The following CNTNAP2 variants were observed in gnomAD, a reference collection of about 807,000 sequenced individuals.
CNTNAP2 encodes contactin associated protein 2, also known as contactin-associated protein-like 2.
Under a neutral mutation model 155.2 loss-of-function variants are expected in CNTNAP2, and 98 were observed. The ratio of observed to expected loss-of-function variants is 0.63; its 90% CI spans 0.54 to 0.75. CNTNAP2 has a LOEUF of 0.75. CNTNAP2 is among the 30% of genes least tolerant of loss of function. The pLI is 0.00. For missense variants in CNTNAP2, 1,727 were observed against 1,688.1 expected (o/e 1.02, Z -0.40); for synonymous variants, 651 against 631.2 (o/e 1.03, Z -0.47).
At chr7:147,443,007 C>A (rs1462263849) in intron 10 of CNTNAP2, among the ~76,000 whole-genome samples, 1 of 152,090 alleles carries the variant, frequency 6.6e-6, no homozygotes, top group Non-Finnish European at 1.5e-5. Flanking sequence ...CTTTAGCCAC[C>A]CTGGATAGCA....
intron 10 of CNTNAP2, among the ~76,000 whole-genome samples, chr7:147,441,111 T>G (rs1230283639): frequency 6.6e-6 from 1 of 152,160 alleles, no homozygotes; most frequent in Non-Finnish European, 1.5e-5. Flanking sequence ...GATTTGCCCT[T>G]TTGAGGCTAC....
chr7:147,383,224 A>G (rs562139334), intron 9 of CNTNAP2, among the ~76,000 whole-genome samples: 10 of 152,232 alleles, frequency 6.6e-5, no homozygotes, highest in African/African-American at 2.4e-4. Flanking sequence ...TACTCAATAC[A>G]TTTTTCTTCA....
At chr7:147,796,565 G>C (rs759584436) in intron 13 of CNTNAP2, among the ~76,000 whole-genome samples, 23 of 146,664 alleles carry the variant, frequency 1.6e-4, no homozygotes, top group Non-Finnish European at 3.1e-4. Context: ...ATAGCAGGAA[G>C]CTGGTCCAGG....
chr7:146,951,236 C>T (rs541289183), intron 3 of CNTNAP2, among the ~76,000 whole-genome samples: 15 of 152,232 alleles, frequency 9.9e-5, no homozygotes, highest in South Asian at 6.2e-4. Flanking sequence ...TTCTCCCATT[C>T]TACAGGTTGC....
At chr7:146,396,149 G>A (rs747577965) in intron 1 of CNTNAP2, among the ~76,000 whole-genome samples, 1 of 151,930 alleles carries the variant, frequency 6.6e-6, no homozygotes, top group African/African-American at 2.4e-5. Flanking sequence ...TATTTCTACT[G>A]CTCAGTTTTC....
intron 6 of CNTNAP2, among the ~76,000 whole-genome samples, chr7:147,124,930 G>A (rs1350231698): frequency 2.1e-5 from 3 of 140,842 alleles, no homozygotes; most frequent in Non-Finnish European, 4.5e-5. Flanking sequence ...CACTAGGCTG[G>A]AGTGCAGTGG....
At chr7:147,199,902 T>G (rs1295878758) in intron 8 of CNTNAP2, among the ~76,000 whole-genome samples, 1 of 152,154 alleles carries the variant, frequency 6.6e-6, no homozygotes, top group Non-Finnish European at 1.5e-5. Context: ...TGTCTTATTT[T>G]TAATTTGAAG....
At position 147,659,500 on chromosome 7, in the gene CNTNAP2, G is replaced by A. The variant is rs570761536; in HGVS notation, c.2098+20194G>A. Among the ~76,000 whole-genome samples, 4 of 152,278 alleles carry A rather than the reference G, an allele frequency of 2.6e-5. No homozygotes were observed. The South Asian group carries it at 6.2e-4, about 24-fold the overall frequency. ...CAACATAGAGGAAACCACTGGGGTG[G>A]ATAAACCTTATTATCTATCTGTGCA... On this transcript the variant is annotated intron_variant, in intron 13 of 23. Transcript: ENST00000361727.
At chr7:147,495,040 G>C (rs1356958054) in intron 11 of CNTNAP2, among the ~76,000 whole-genome samples, 2 of 152,124 alleles carry the variant, frequency 1.3e-5, no homozygotes, top group Non-Finnish European at 2.9e-5. Flanking sequence ...GCATAGACGA[G>C]AGCCATTTTC....
At chr7:147,877,673 G>T (rs547304804) in intron 13 of CNTNAP2, among the ~76,000 whole-genome samples, 3 of 151,980 alleles carry the variant, frequency 2.0e-5, no homozygotes, top group African/African-American at 7.3e-5. Context: ...ACCTGACAAA[G>T]GCTTTCATTT....
chr7:146,485,421 A>T (rs2129129819), intron 1 of CNTNAP2, among the ~76,000 whole-genome samples: 1 of 152,298 alleles, frequency 6.6e-6, no homozygotes, highest in Non-Finnish European at 1.5e-5. Context: ...TTGAGAGATG[A>T]GGAAAGTCAG....
chr7:147,768,806 C>T (rs1797422174), intron 13 of CNTNAP2, among the ~76,000 whole-genome samples: 1 of 151,970 alleles, frequency 6.6e-6, no homozygotes, highest in South Asian at 2.1e-4. Context: ...TCAGTATGAG[C>T]TACAAAAAAT....
intron 12 of CNTNAP2, among the ~76,000 whole-genome samples, chr7:147,628,110 C>A (rs1795019435): frequency 6.6e-6 from 1 of 151,876 alleles, no homozygotes; most frequent in Non-Finnish European, 1.5e-5. Flanking sequence ...ATCAAGATAC[C>A]CAAATACAAG....
intron 9 of CNTNAP2, among the ~76,000 whole-genome samples, chr7:147,321,339 G>A (rs1795347329): frequency 6.6e-6 from 1 of 152,146 alleles, no homozygotes; most frequent in African/African-American, 2.4e-5. Flanking sequence ...AGACATCCTG[G>A]GGCCACAGGC....
chr7:147,218,988 A>G (rs545333929), intron 8 of CNTNAP2, among the ~76,000 whole-genome samples: 59 of 152,334 alleles, frequency 3.9e-4, no homozygotes, highest in African/African-American at 1.3e-3. Flanking sequence ...CTAATTTATA[A>G]TAAACAGAAA....
chr7:146,759,479 G>A (rs1164010744), intron 1 of CNTNAP2, among the ~76,000 whole-genome samples: 2 of 152,014 alleles, frequency 1.3e-5, no homozygotes, highest in East Asian at 3.9e-4. Flanking sequence ...CAGATCGCCA[G>A]GTCAGAGATC....
At position 147,689,108 on chromosome 7, in the gene CNTNAP2, AT is replaced by A. The variant is rs1554422434; in HGVS notation, c.2098+49812del. Among the ~76,000 whole-genome samples the A allele has an allele frequency of 6.4e-3, 949 of 148,480 alleles. 15 individuals carry two copies. Among genetic ancestry groups the A allele is most frequent in the African/African-American group, 0.022 (901 of 40,390 alleles). ...AACATTATTCCTGAAGTATTACAGGATTTTTTTTTTATTTCTTGAAAGCGGA... is the reference window on the plus strand; with the variant it reads ...AACATTATTCCTGAAGTATTACAGGATTTTTTTTTATTTCTTGAAAGCGGA... On this transcript the variant is annotated intron_variant, in intron 13 of 23. Transcript: ENST00000361727.
chr7:146,467,481 T>C (rs546549640), intron 1 of CNTNAP2, among the ~76,000 whole-genome samples: 2 of 152,172 alleles, frequency 1.3e-5, no homozygotes, highest in Non-Finnish European at 2.9e-5. Flanking sequence ...AATTGATCAT[T>C]CTGCATCTTT....
intron 8 of CNTNAP2, among the ~76,000 whole-genome samples, chr7:147,273,672 G>T (rs1804816850): frequency 6.7e-6 from 1 of 150,294 alleles, no homozygotes; most frequent in East Asian, 1.9e-4. Context: ...AATCCATGTT[G>T]CAAAATACAT....
Sources: allele counts gnomAD v4.1 joint callset (sites outside exome capture counted in the v4.1 genomes callset), GRCh38; gene constraint gnomAD v4.1.1; transcripts MANE v1.5; gene names NCBI Gene and HGNC (gene_info 2026-07-23, HGNC 2026-07-21).